Variants in UBE2F observed in about 807,000 individuals in gnomAD.
UBE2F encodes the protein ubiquitin conjugating enzyme E2 F (putative).
A neutral mutation model predicts 29.6 loss-of-function variants in UBE2F; 5 were observed. The observed-to-expected ratio is 0.17, with a 90% confidence interval of 0.09 to 0.36. The LOEUF (loss-of-function observed/expected upper bound fraction) is 0.36, where lower values mean the gene tolerates loss of function less well. Ranked by LOEUF, UBE2F falls within the 10% of genes least tolerant of loss-of-function variation. The probability of loss-of-function intolerance (pLI) is 1.00; values close to 1 mark genes in which losing one functional copy is unlikely to be tolerated. For missense variants in UBE2F, 141 were observed against 228.5 expected (o/e 0.62, Z 2.47); for synonymous variants, 66 against 81.8 (o/e 0.81, Z 1.04).
intron 2 of UBE2F, among the ~76,000 whole-genome samples, chr2:237,985,500 A>G (rs2063463344): frequency 6.6e-6 from 1 of 152,224 alleles, no homozygotes; most frequent in Non-Finnish European, 1.5e-5. Flanking sequence ...CATAATGTCT[A>G]GATTTACCCA....
At chr2:238,022,018 A>G (rs893775510) in intron 5 of UBE2F, among the ~76,000 whole-genome samples, 5 of 152,248 alleles carry the variant, frequency 3.3e-5, no homozygotes, top group Non-Finnish European at 5.9e-5. Context: ...GAGGAATGCC[A>G]GTTGGCATCC....
chr2:238,017,761 G>A (rs1380983840), intron 5 of UBE2F, among the ~76,000 whole-genome samples: 1 of 152,152 alleles, frequency 6.6e-6, no homozygotes, highest in Non-Finnish European at 1.5e-5. Context: ...GAAAGCACAA[G>A]CTGATGGTGC....
At chr2:238,019,229 T>C (rs1447924093) in intron 5 of UBE2F, among the ~76,000 whole-genome samples, 2 of 152,210 alleles carry the variant, frequency 1.3e-5, no homozygotes, top group South Asian at 2.1e-4. Context: ...GTTTCATAAA[T>C]GATGGGCTGG....
At chr2:238,008,653 T>C (rs144284042) in intron 4 of UBE2F, among the ~76,000 whole-genome samples, 15 of 152,334 alleles carry the variant, frequency 9.8e-5, no homozygotes, top group Non-Finnish European at 2.1e-4. Flanking sequence ...TTTTTGAATT[T>C]TGTTCATGTC....
chr2:237,985,237 TC>T (rs2063458075), intron 2 of UBE2F, among the ~76,000 whole-genome samples: 1 of 152,192 alleles, frequency 6.6e-6, no homozygotes. Context: ...AATGGTAACA[TC>T]TGAATCTACT....
chr2:237,979,940 G>A (rs921736272), intron 2 of UBE2F, among the ~76,000 whole-genome samples: 3 of 152,238 alleles, frequency 2.0e-5, no homozygotes, highest in Admixed American at 6.5e-5. Context: ...CCTGCACTCT[G>A]TAGTGTGAGG....
chr2:238,006,759 C>CTTTTTTTTTTTT (rs60514924), intron 4 of UBE2F, among the ~76,000 whole-genome samples: 48 of 125,556 alleles, frequency 3.8e-4, no homozygotes, highest in African/African-American at 1.4e-3. Flanking sequence ...TTTCTTTTTT[C>CTTTTTTTTTTTT]TTTTTTTTTT....
rs2064399025 is a variant in UBE2F, at chr2:238,025,330, T to C, written c.283-12T>C. 4 of 1,613,296 alleles carry C rather than the reference T, an allele frequency of 2.5e-6. No individual in the cohort carries two copies. On this transcript the variant is annotated splice_polypyrimidine_tract_variant and intron_variant, in intron 5 of 9. Coordinates refer to ENST00000272930, the MANE Select transcript of UBE2F (RefSeq NM_080678.3). ...TGTCGGCGTGATCTCTCTCATTGTC[T>C]CTGTGTTGCAGCCTCCCAAAGTGAA...
At chr2:238,003,913 C>T (rs1473915602) in intron 4 of UBE2F, among the ~76,000 whole-genome samples, 1 of 152,168 alleles carries the variant, frequency 6.6e-6, no homozygotes, top group Admixed American at 6.5e-5. Context: ...CTTTGTAGAT[C>T]CCCTCTCCAT....
intron 5 of UBE2F, 39 bp from the exon 6 acceptor site, chr2:238,025,303 A>G: frequency 6.4e-7 from 1 of 1,572,390 alleles, no homozygotes; most frequent in Admixed American, 1.7e-5. Context: ...ATTTGCAGAG[A>G]CTGTCGGCGT....
intron 9 of UBE2F, among the ~76,000 whole-genome samples, chr2:238,036,479 C>A (rs1170211023): frequency 6.6e-6 from 1 of 152,142 alleles, no homozygotes; most frequent in Non-Finnish European, 1.5e-5. Flanking sequence ...GGCGCCCAGC[C>A]GAGAAGTGAT....
intron 3 of UBE2F, among the ~76,000 whole-genome samples, chr2:237,991,113 T>C (rs1446317174): frequency 6.6e-6 from 1 of 152,204 alleles, no homozygotes; most frequent in African/African-American, 2.4e-5. Context: ...ATGGCACATC[T>C]CCTAGCCCTA....
chr2:237,993,501 A>C (rs1384180260), intron 3 of UBE2F, among the ~76,000 whole-genome samples: 2 of 152,142 alleles, frequency 1.3e-5, no homozygotes, highest in African/African-American at 4.8e-5. Context: ...TCACTTGAGC[A>C]TGGGAGTTCA....
At chr2:238,023,042 T>C (rs2064332687) in intron 5 of UBE2F, among the ~76,000 whole-genome samples, 1 of 152,164 alleles carries the variant, frequency 6.6e-6, no homozygotes, top group African/African-American at 2.4e-5. Flanking sequence ...GGAGATGTGG[T>C]AGCACCAGGC....
chr2:237,971,708 G>A (rs1338526191), intron 1 of UBE2F, among the ~76,000 whole-genome samples: 1 of 151,278 alleles, frequency 6.6e-6, no homozygotes, highest in South Asian at 2.1e-4. Flanking sequence ...GTCAGTTTAT[G>A]TTAGAAACAG....
chr2:237,972,318 A>G (rs1009577016), intron 1 of UBE2F, among the ~76,000 whole-genome samples: 8 of 152,134 alleles, frequency 5.3e-5, no homozygotes, highest in Non-Finnish European at 1.2e-4. Context: ...ATGGGCCAGA[A>G]CCTGGGACCG....
At chr2:238,020,083 G>A (rs2064258156) in intron 5 of UBE2F, among the ~76,000 whole-genome samples, 1 of 152,298 alleles carries the variant, frequency 6.6e-6, no homozygotes, top group Non-Finnish European at 1.5e-5. Context: ...TCATTAGGGT[G>A]TAGTACTTGG....
intron 7 of UBE2F, 78 bp downstream of exon 7, chr2:238,030,691 C>T: frequency 9.3e-7 from 1 of 1,073,588 alleles, no homozygotes; most frequent in East Asian, 2.5e-5. Flanking sequence ...CCCGAGAAAG[C>T]AGCACATGTC....
intron 6 of UBE2F, among the ~76,000 whole-genome samples, chr2:238,029,495 T>G (rs2064519993): frequency 6.6e-6 from 1 of 150,792 alleles, no homozygotes; most frequent in Admixed American, 6.6e-5. Flanking sequence ...CTCAGGAGGC[T>G]GAGGCAGGAG....
Sources: allele counts gnomAD v4.1 joint callset (sites outside exome capture counted in the v4.1 genomes callset), GRCh38; gene constraint gnomAD v4.1.1; transcripts MANE v1.5; gene names NCBI Gene and HGNC (gene_info 2026-07-23, HGNC 2026-07-21).